Variants in KATNAL1 observed in about 807,000 individuals in gnomAD.
KATNAL1 encodes the protein katanin catalytic subunit A1 like 1, also known as katanin p60 ATPase-containing subunit A-like 1.
Under a neutral mutation model 55.2 loss-of-function variants are expected in KATNAL1, and 32 were observed. That is an observed-to-expected ratio of 0.58 (90% CI 0.44 to 0.78). The LOEUF is 0.78. KATNAL1 is among the 30% of genes least tolerant of loss of function. The pLI is 0.00. For missense variants in KATNAL1, 466 were observed against 600.9 expected, an observed-to-expected ratio of 0.78 and a Z score of 2.35; for synonymous variants, 193 against 193.6, an observed-to-expected ratio of 1.00 and a Z score of 0.02.
intron 4 of KATNAL1, among the ~76,000 whole-genome samples, chr13:30,251,295 T>G (rs529736100): frequency 6.6e-6 from 1 of 152,228 alleles, no homozygotes; most frequent in Non-Finnish European, 1.5e-5. Context: ...TATCTGACTC[T>G]AAGCTTAAAT....
At chr13:30,212,970 G>C (rs73163460) in intron 9 of KATNAL1, among the ~76,000 whole-genome samples, 9,769 of 152,098 alleles carry the variant, frequency 0.064, 368 homozygotes, top group African/African-American at 0.096. Flanking sequence ...AAGCGGTTAG[G>C]ACACAAAAAC....
chr13:30,219,998 T>A (rs1305227253), intron 9 of KATNAL1, among the ~76,000 whole-genome samples: 2 of 152,154 alleles, frequency 1.3e-5, no homozygotes, highest in African/African-American at 4.8e-5. Flanking sequence ...TTTATTATAG[T>A]GAAGAATTAA....
In KATNAL1 at chr13:30,223,836, T is replaced by C. The variant is rs61271401; in HGVS notation, c.1147+3576A>G. 1.1e-3 allele frequency among the ~76,000 whole-genome samples: 161 copies of C among 152,324 alleles called. 1 individual carries two copies. The highest frequency in any genetic ancestry group is 3.6e-3 in the African/African-American group (150 of 41,562). ...TAAAAAATCAGCAAGGATCTTATTA[T>C]TTGAATAATACTAACACACCAACTT... On this transcript the variant is annotated intron_variant, in intron 9 of 10. Transcript: ENST00000380615.
chr13:30,237,170 T>G (rs1344248191), intron 6 of KATNAL1, among the ~76,000 whole-genome samples: 1 of 152,182 alleles, frequency 6.6e-6, no homozygotes, highest in Non-Finnish European at 1.5e-5. Flanking sequence ...ATTCACTCAT[T>G]TTGGTATCCT....
At position 30,305,515 on chromosome 13, in the gene KATNAL1, A is replaced by G. The variant is rs140851816; in HGVS notation, c.-15+1816T>C. Among the ~76,000 whole-genome samples, 150 of 152,332 alleles carry G rather than the reference A, an allele frequency of 9.8e-4. 1 individual carries two copies. Among genetic ancestry groups the G allele is most frequent in the African/African-American group, 3.5e-3 (147 of 41,582 alleles). On this transcript the variant is annotated intron_variant, in intron 1 of 10. Transcript: ENST00000380615. ...AGAATGGTCAGTGCTTGAGATCAGGACCAGACCCACCTGGGCTGAAATCCC... is the reference window on the plus strand; with the variant it reads ...AGAATGGTCAGTGCTTGAGATCAGGGCCAGACCCACCTGGGCTGAAATCCC...
intron 9 of KATNAL1, among the ~76,000 whole-genome samples, chr13:30,216,687 G>A (rs1874284556): frequency 6.6e-6 from 1 of 152,318 alleles, no homozygotes; most frequent in East Asian, 1.9e-4. Context: ...GGCAGGAGGG[G>A]TAGGGAGAGA....
chr13:30,248,027 T>G (rs1877952873), intron 4 of KATNAL1, among the ~76,000 whole-genome samples: 1 of 152,180 alleles, frequency 6.6e-6, no homozygotes, highest in Non-Finnish European at 1.5e-5. Context: ...GCACTCCTAT[T>G]AAGACAGCCT....
chr13:30,255,685 C>T, intron 3 of KATNAL1, 70 bp from the exon 4 acceptor site: 1 of 1,236,664 alleles, frequency 8.1e-7, no homozygotes, highest in Non-Finnish European at 1.0e-6. Context: ...TATGTCAATA[C>T]TATCTTAGTC....
intron 3 of KATNAL1, among the ~76,000 whole-genome samples, chr13:30,263,449 A>G (rs1263665917): frequency 6.6e-6 from 1 of 151,242 alleles, no homozygotes; most frequent in Admixed American, 6.6e-5. Flanking sequence ...TGCAGACGAC[A>G]TGATTGTATA....
At chr13:30,274,891 A>ACATACGCGCGCGCGCGCGCGCGCG (rs55740915) in intron 3 of KATNAL1, among the ~76,000 whole-genome samples, 2 of 122,132 alleles carry the variant, frequency 1.6e-5, no homozygotes, top group Non-Finnish European at 3.4e-5. Context: ...GCACACACAT[A>ACATACGCGCGCGCGCGCGCGCGCG]CGCGCGCGCG....
At chr13:30,267,755 T>A (rs756781684) in intron 3 of KATNAL1, among the ~76,000 whole-genome samples, 3 of 152,030 alleles carry the variant, frequency 2.0e-5, no homozygotes, top group African/African-American at 4.8e-5. Flanking sequence ...ATAAGGTAAG[T>A]GAAATACCTA....
At chr13:30,257,122 G>T (rs914145541) in intron 3 of KATNAL1, among the ~76,000 whole-genome samples, 3 of 151,840 alleles carry the variant, frequency 2.0e-5, no homozygotes, top group Admixed American at 2.0e-4. Context: ...ATAAAAAATT[G>T]TAATTGTTAA....
At chr13:30,297,170 A>AGAAGGAGGAG (rs1882565645) in intron 1 of KATNAL1, among the ~76,000 whole-genome samples, 1 of 151,598 alleles carries the variant, frequency 6.6e-6, no homozygotes, top group African/African-American at 2.4e-5. Flanking sequence ...AAAAAAGAAA[A>AGAAGGAGGAG]GAAGGAGGAG....
chr13:30,288,830 A>T (rs986014892), intron 1 of KATNAL1, among the ~76,000 whole-genome samples: 2 of 152,218 alleles, frequency 1.3e-5, no homozygotes, highest in Non-Finnish European at 2.9e-5. Flanking sequence ...ATTTCTGACA[A>T]AAATTCCTAG....
Position 30,230,593 on chromosome 13 carries a change from G to T in KATNAL1, c.887C>A (p.Ala296Asp). ...EKLVRLLFEMARFYAPTTIFI... is the reference protein window; with the variant it reads ...EKLVRLLFEMDRFYAPTTIFI... ...GATCGTGGTAGGGGCATAAAATCTA[G>T]CCTTTATGAAAATATTTTAAAGAAA... Residue 296 changes from alanine to aspartate, a missense_variant and splice_region_variant, in exon 8 of 11, where the codon GCT becomes GAT. Physicochemically the swap from Ala to Asp is moderately radical, Grantham distance 126. This residue lies in a region of KATNAL1 where 213 missense variants were observed against 308.6 expected (regional missense o/e 0.69). Coordinates refer to ENST00000380615, the MANE Select transcript of KATNAL1 (RefSeq NM_032116.5). The T allele has an allele frequency of 6.3e-7, 1 of 1,584,942 alleles. No homozygotes were observed. The highest frequency in any genetic ancestry group is 8.6e-7 in the Non-Finnish European group (1 of 1,165,292).
chr13:30,284,659 C>T (rs141444206), intron 1 of KATNAL1, among the ~76,000 whole-genome samples: 1 of 152,110 alleles, frequency 6.6e-6, no homozygotes, highest in African/African-American at 2.4e-5. Flanking sequence ...CTCTCTGAAC[C>T]CCAATTTGTA....
At chr13:30,270,233 C>T (rs1361817731) in intron 3 of KATNAL1, among the ~76,000 whole-genome samples, 2 of 137,738 alleles carry the variant, frequency 1.5e-5, no homozygotes, top group African/African-American at 5.0e-5. Context: ...CCAGCCGCCC[C>T]GTCCGGGAGG....
intron 1 of KATNAL1, among the ~76,000 whole-genome samples, chr13:30,288,628 A>G (rs1478459894): frequency 1.3e-5 from 2 of 152,234 alleles, no homozygotes; most frequent in Admixed American, 6.5e-5. Flanking sequence ...ATTCATTAAG[A>G]AATACTATTG....
chr13:30,257,799 T>C (rs1045636574), intron 3 of KATNAL1, among the ~76,000 whole-genome samples: 7 of 152,154 alleles, frequency 4.6e-5, no homozygotes, highest in African/African-American at 1.7e-4. Context: ...GCCAGACGTG[T>C]CGTTTGTGGC....
Sources: gnomAD v4.1 joint callset for allele counts (sites outside exome capture counted in the v4.1 genomes callset) on GRCh38, gnomAD v4.1.1 for gene constraint, gnomAD v4.1.1 regional missense constraint, MANE v1.5 for transcripts, NCBI Gene and HGNC (gene_info 2026-07-23, HGNC 2026-07-21) for gene names.